The following ANKRD10 variants were observed in gnomAD, a reference collection of about 807,000 sequenced individuals.
ANKRD10 encodes the protein ankyrin repeat domain-containing protein 10.
A neutral mutation model predicts 27.0 loss-of-function variants in ANKRD10; 14 were observed. That is an observed-to-expected ratio of 0.52 (90% confidence interval 0.34 to 0.81). The LOEUF is 0.81. ANKRD10 is among the 40% of genes least tolerant of loss of function. The pLI is 0.01. For missense variants in ANKRD10, 493 were observed against 544.0 expected, an observed-to-expected ratio of 0.91 and a Z score of 0.93; for synonymous variants, 250 against 224.5, an observed-to-expected ratio of 1.11 and a Z score of -1.01.
At chr13:110,906,840 G>C (rs2065553405) in intron 2 of ANKRD10, among the ~76,000 whole-genome samples, 1 of 152,068 alleles carries the variant, frequency 6.6e-6, no homozygotes, top group African/African-American at 2.4e-5. Flanking sequence ...GGCGGCGGTG[G>C]GGAGGTGAAG....
chr13:110,896,890 C>A (rs181657924), intron 3 of ANKRD10, among the ~76,000 whole-genome samples: 53 of 152,298 alleles, frequency 3.5e-4, no homozygotes, highest in Non-Finnish European at 6.5e-4. Context: ...CAGGCCAGAA[C>A]TGCTGAATAA....
At chr13:110,912,817 C>T (rs747082673) in intron 1 of ANKRD10, among the ~76,000 whole-genome samples, 1 of 152,196 alleles carries the variant, frequency 6.6e-6, no homozygotes, top group Non-Finnish European at 1.5e-5. Context: ...GCCCTGAGTC[C>T]TGGCCTGATT....
intron 3 of ANKRD10, among the ~76,000 whole-genome samples, chr13:110,898,895 A>T (rs917711588): frequency 6.6e-6 from 1 of 151,128 alleles, no homozygotes. Flanking sequence ...AGCTGGTATT[A>T]CAAGCGCCCA....
At chr13:110,894,259 C>T (rs1359670078) in intron 3 of ANKRD10, 1 of 1,197,806 alleles carries the variant, frequency 8.3e-7, no homozygotes, top group African/African-American at 1.5e-5. Flanking sequence ...GGGAGAAGTA[C>T]TTAACAGCAA....
intron 4 of ANKRD10, among the ~76,000 whole-genome samples, chr13:110,885,338 G>A (rs2064900744): frequency 6.6e-6 from 1 of 152,030 alleles, no homozygotes; most frequent in South Asian, 2.1e-4. Context: ...GGATCACGAG[G>A]TCAAGAGATC....
rs7332214 is a variant in ANKRD10, at chr13:110,885,345, G to C, written c.692-1552C>G. 4.6e-5 allele frequency among the ~76,000 whole-genome samples: 7 copies of C among 152,000 alleles called. No homozygotes were observed. In the East Asian group the frequency reaches 1.4e-3, roughly 29 times the overall value. ...AGGCGGGTGGATCACGAGGTCAAGA[G>C]ATCGAGACCGTCCTGGCCAACATGC... is the stretch of plus-strand genomic sequence containing the variant. On this transcript the variant is annotated intron_variant, in intron 4 of 5. Transcript: ENST00000267339.
At chr13:110,888,397 G>A (rs1377663525) in intron 4 of ANKRD10, among the ~76,000 whole-genome samples, 2 of 151,906 alleles carry the variant, frequency 1.3e-5, no homozygotes, top group Non-Finnish European at 2.9e-5. Flanking sequence ...CAGGGATCAA[G>A]AAAAAACAAT....
chr13:110,892,415 G>GAAAAAAAAAAAAAAAAAAAAAAAA (rs1381734881), intron 4 of ANKRD10, among the ~76,000 whole-genome samples: 9 of 2,588 alleles, frequency 3.5e-3, no homozygotes, highest in Admixed American at 5.4e-3. Flanking sequence ...GGGTGACAGA[G>GAAAAAAAAAAAAAAAAAAAAAAAA]CAAAAAAAAA....
chr13:110,894,346 T>C lies in ANKRD10; in HGVS notation c.456-1083A>G, dbSNP rs2065161917. ...ATGATGAAATCAAGGCCTTGTGCTG[T>C]GTCACTCAAACAACCACTCCAGAAC... On this transcript the variant is annotated intron_variant, in intron 3 of 5. Coordinates refer to ENST00000267339, the MANE Select transcript of ANKRD10 (RefSeq NM_017664.4). The C allele has an allele frequency of 3.1e-5, 11 of 355,244 alleles. 1 individual carries two copies. Among genetic ancestry groups the C allele is most frequent in the South Asian group, 3.0e-4 (9 of 30,256 alleles). 22.0% of individuals were successfully genotyped at this position (355,244 alleles called of 1,614,324 possible).
rs183362359 is a variant in ANKRD10 at position 110,898,271 on chromosome 13, T to G, written c.456-5008A>C. ...TGAGTTCCTCCAACTTTTTTAATAG[T>G]TAAATTTCAAGTACGTTAGACTGAA... is the stretch of plus-strand genomic sequence containing the variant. On this transcript the variant is annotated intron_variant, in intron 3 of 5. Transcript: ENST00000267339. 1.9e-3 allele frequency among the ~76,000 whole-genome samples: 289 copies of G among 152,316 alleles called. 1 individual carries two copies. Among genetic ancestry groups the G allele is most frequent in the Non-Finnish European group, 3.4e-3 (231 of 68,022 alleles).
At chr13:110,892,126 CA>C (rs570802385) in intron 4 of ANKRD10, among the ~76,000 whole-genome samples, 1 of 147,708 alleles carries the variant, frequency 6.8e-6, no homozygotes, top group Non-Finnish European at 1.5e-5. Context: ...ACCTTAAAAA[CA>C]AAAAACAAAA....
At chr13:110,884,763 G>C (rs1224999839) in intron 4 of ANKRD10, among the ~76,000 whole-genome samples, 1 of 152,074 alleles carries the variant, frequency 6.6e-6, no homozygotes, top group Non-Finnish European at 1.5e-5. Context: ...GGTTAACTCA[G>C]ATACTTAGAA....
intron 1 of ANKRD10, among the ~76,000 whole-genome samples, chr13:110,912,262 A>T (rs970338553): frequency 6.6e-6 from 1 of 152,118 alleles, no homozygotes; most frequent in Non-Finnish European, 1.5e-5. Context: ...AAGACAAAAC[A>T]CCTGACACTA....
chr13:110,881,091 T>C (rs1054687697), intron 5 of ANKRD10, among the ~76,000 whole-genome samples: 2 of 152,220 alleles, frequency 1.3e-5, no homozygotes, highest in Non-Finnish European at 2.9e-5. Context: ...TTCTGTATAC[T>C]GGAACTTGAG....
At chr13:110,888,380 A>G (rs983198452) in intron 4 of ANKRD10, among the ~76,000 whole-genome samples, 6 of 152,058 alleles carry the variant, frequency 3.9e-5, no homozygotes, top group African/African-American at 1.4e-4. Flanking sequence ...TCAAGACGTC[A>G]CATCTTCAGG....
At chr13:110,893,970 C>T in intron 3 of ANKRD10, 2 of 605,316 alleles carry the variant, frequency 3.3e-6, no homozygotes, top group Non-Finnish European at 5.7e-6. Flanking sequence ...CTCACAAGAA[C>T]CAAAGTTTTA....
intron 3 of ANKRD10, chr13:110,900,748 TTA>T (rs1365274221): frequency 1.6e-6 from 2 of 1,223,836 alleles, no homozygotes; most frequent in East Asian, 9.4e-5. Flanking sequence ...TCTGTGTGAT[TTA>T]AAACGGGCAA....
chr13:110,898,750 CTTTTTTTTTTT>C (rs56176208), intron 3 of ANKRD10, among the ~76,000 whole-genome samples: 72 of 106,546 alleles, frequency 6.8e-4, no homozygotes, highest in South Asian at 1.8e-3. Flanking sequence ...TTTTTCTTTT[CTTTTTTTTTTT>C]TTTTTTTTTT....
intron 4 of ANKRD10, among the ~76,000 whole-genome samples, chr13:110,884,326 C>G (rs892806572): frequency 6.6e-6 from 1 of 152,130 alleles, no homozygotes; most frequent in Non-Finnish European, 1.5e-5. Context: ...CACCAAAATA[C>G]AGAAAGCGTT....
Sources: allele counts gnomAD v4.1 joint callset (sites outside exome capture counted in the v4.1 genomes callset), GRCh38; gene constraint gnomAD v4.1.1; transcripts MANE v1.5; gene names NCBI Gene and HGNC (gene_info 2026-07-23, HGNC 2026-07-21).